TMEM50A: variants seen among roughly 807,000 people sequenced by gnomAD.
The protein encoded by TMEM50A is cervical cancer oncogene 9.
Under a neutral mutation model 23.9 loss-of-function variants are expected in TMEM50A, and 8 were observed. That is an observed-to-expected ratio of 0.33 (90% CI 0.20 to 0.60). The LOEUF is 0.60. TMEM50A is among the 20% of genes least tolerant of loss of function. TMEM50A has a pLI of 0.81. For synonymous variants in TMEM50A, 55 were observed against 60.4 expected, an observed-to-expected ratio of 0.91 and a Z score of 0.41; for missense variants, 178 against 192.7, an observed-to-expected ratio of 0.92 and a Z score of 0.45.
chr1:25,339,457 T>C (rs1423341639), intron 1 of TMEM50A, among the ~76,000 whole-genome samples: 1 of 152,144 alleles, frequency 6.6e-6, no homozygotes, highest in Non-Finnish European at 1.5e-5. Flanking sequence ...GTTCTTTATA[T>C]AGAAATGACA....
At chr1:25,347,093 A>G (rs911005941) in intron 3 of TMEM50A, among the ~76,000 whole-genome samples, 1 of 152,078 alleles carries the variant, frequency 6.6e-6, no homozygotes, top group Non-Finnish European at 1.5e-5. Context: ...ATCTCAACAA[A>G]TTTTTCTTAT....
intron 6 of TMEM50A, among the ~76,000 whole-genome samples, chr1:25,357,560 T>C (rs1305393164): frequency 6.8e-6 from 1 of 146,262 alleles, no homozygotes; most frequent in African/African-American, 2.6e-5. Flanking sequence ...TGTGTGTGTG[T>C]GTTGTGTGTG....
At chr1:25,345,794 AT>A (rs112522769) in intron 3 of TMEM50A, among the ~76,000 whole-genome samples, 43 of 146,344 alleles carry the variant, frequency 2.9e-4, no homozygotes, top group Non-Finnish European at 2.7e-4. Context: ...TTATTTATTT[AT>A]TTTTTTTTTT....
At chr1:25,349,737 A>T (rs1645257514) in intron 3 of TMEM50A, among the ~76,000 whole-genome samples, 1 of 152,196 alleles carries the variant, frequency 6.6e-6, no homozygotes, top group Non-Finnish European at 1.5e-5. Context: ...TTACTGGCAC[A>T]AGCTACCAGG....
chr1:25,348,743 CAAACTAT>C (rs1428093702), intron 3 of TMEM50A, among the ~76,000 whole-genome samples: 1 of 151,988 alleles, frequency 6.6e-6, no homozygotes, highest in Non-Finnish European at 1.5e-5. Flanking sequence ...ATAATCTCAC[CAAACTAT>C]AACATTTTGA....
intron 3 of TMEM50A, among the ~76,000 whole-genome samples, chr1:25,344,984 A>T (rs1281691359): frequency 6.6e-6 from 1 of 152,094 alleles, no homozygotes; most frequent in Non-Finnish European, 1.5e-5. Context: ...TTAGAAATCA[A>T]CATCCCAGAA....
intron 3 of TMEM50A, 21 bp downstream of exon 3, chr1:25,343,094 C>A: frequency 1.3e-6 from 2 of 1,544,052 alleles, no homozygotes; most frequent in Non-Finnish European, 1.8e-6. Flanking sequence ...TCGTAATTGG[C>A]ATTACTTACA....
At position 25,343,241 on chromosome 1, in the gene TMEM50A, CTT is replaced by C. The variant is rs1645182940; in HGVS notation, c.206+170_206+171del. 2.6e-5 allele frequency among the ~76,000 whole-genome samples: 4 copies of C among 152,288 alleles called. No homozygotes were observed. In the South Asian group the frequency reaches 8.3e-4, roughly 32 times the overall value. On this transcript the variant is annotated intron_variant, in intron 3 of 6. Transcript: ENST00000374358. The stretch of plus-strand genomic sequence containing the variant: ...ACTTATACAGAAAAGCAGCAGTCCT[CTT>C]TATTCTTTTTGTGTACCTCTCCACT...
chr1:25,343,181 C>A, intron 3 of TMEM50A, 108 bp downstream of exon 3: 1 of 809,166 alleles, frequency 1.2e-6, no homozygotes, highest in Non-Finnish European at 1.9e-6. Context: ...GATTAACACA[C>A]TGGACATGAT....
intron 3 of TMEM50A, among the ~76,000 whole-genome samples, chr1:25,349,072 C>CTG (rs1338334480): frequency 6.6e-6 from 1 of 152,088 alleles, no homozygotes; most frequent in Admixed American, 6.6e-5. Flanking sequence ...ACATGGGATG[C>CTG]TGGAGTCTGA....
intron 5 of TMEM50A, among the ~76,000 whole-genome samples, chr1:25,354,963 G>C (rs1402348491): frequency 2.0e-5 from 3 of 152,060 alleles, no homozygotes; most frequent in South Asian, 4.1e-4. Flanking sequence ...GTAGAGACAG[G>C]GTTCTGCCAT....
intron 3 of TMEM50A, among the ~76,000 whole-genome samples, chr1:25,347,395 C>G (rs1645230401): frequency 6.6e-6 from 1 of 152,082 alleles, no homozygotes; most frequent in Non-Finnish European, 1.5e-5. Flanking sequence ...ACCACTGTGC[C>G]CAGCTAATTT....
At chr1:25,357,338 G>A (rs1462894104) in intron 6 of TMEM50A, among the ~76,000 whole-genome samples, 2 of 152,102 alleles carry the variant, frequency 1.3e-5, no homozygotes, top group Admixed American at 6.5e-5. Flanking sequence ...AAAAGATGAC[G>A]AAAACCTCTA....
Position 25,351,705 on chromosome 1 carries a change from C to G in TMEM50A, c.274+12C>G, listed in dbSNP as rs1490753466. Reference sequence around the variant, plus strand: ...TCTGGGTCAAACAGGTAAATAGGTGCAAACAGCATCTTATTATACATGCTT... The same window carrying G: ...TCTGGGTCAAACAGGTAAATAGGTGGAAACAGCATCTTATTATACATGCTT... On this transcript the variant is annotated intron_variant, in intron 4 of 6. Transcript: ENST00000374358. 1 of 1,607,016 alleles carries G rather than the reference C, an allele frequency of 6.2e-7. No individual in the cohort carries two copies. The highest frequency in any genetic ancestry group is 8.5e-7 in the Non-Finnish European group (1 of 1,176,972).
At chr1:25,357,549 G>GTGTGTGTGTGTGTGT (rs1645345913) in intron 6 of TMEM50A, among the ~76,000 whole-genome samples, 1 of 148,486 alleles carries the variant, frequency 6.7e-6, no homozygotes, top group Non-Finnish European at 1.5e-5. Context: ...GTGTGTGTGT[G>GTGTGTGTGTGTGTGT]TGTGTGTGTG....
intron 6 of TMEM50A, among the ~76,000 whole-genome samples, chr1:25,359,676 A>G (rs1488109656): frequency 6.6e-6 from 1 of 152,002 alleles, no homozygotes; most frequent in African/African-American, 2.4e-5. Flanking sequence ...CTGTCATACT[A>G]GTCTCCTGGG....
intron 3 of TMEM50A, among the ~76,000 whole-genome samples, chr1:25,346,031 A>G (rs965970247): frequency 2.6e-5 from 4 of 151,578 alleles, no homozygotes; most frequent in Non-Finnish European, 4.4e-5. Context: ...CAAGTGATCC[A>G]CCTGTCTCGG....
At chr1:25,340,223 A>C (rs1190559739) in intron 1 of TMEM50A, among the ~76,000 whole-genome samples, 1 of 152,196 alleles carries the variant, frequency 6.6e-6, no homozygotes, top group Admixed American at 6.5e-5. Flanking sequence ...GGCATGAACC[A>C]CCACGCCCGG....
At chr1:25,353,182 T>TC (rs1330532256) in intron 5 of TMEM50A, among the ~76,000 whole-genome samples, 2 of 152,236 alleles carry the variant, frequency 1.3e-5, no homozygotes, top group African/African-American at 4.8e-5. Flanking sequence ...TCATTTTTCT[T>TC]CTTATCCAGA....
Sources: gnomAD v4.1 joint callset for allele counts (sites outside exome capture counted in the v4.1 genomes callset) on GRCh38, gnomAD v4.1.1 for gene constraint, MANE v1.5 for transcripts, NCBI Gene and HGNC (gene_info 2026-07-23, HGNC 2026-07-21) for gene names.